Variants in ZBTB20 observed in about 807,000 individuals in gnomAD.
The protein encoded by ZBTB20 is zinc finger and BTB domain-containing protein 20.
Under a neutral mutation model 56.9 loss-of-function variants are expected in ZBTB20, and 9 were observed. That is an observed-to-expected ratio of 0.16 (90% CI 0.10 to 0.28). The LOEUF is 0.28. Ranked by LOEUF, ZBTB20 falls within the 10% of genes least tolerant of loss-of-function variation. The probability of loss-of-function intolerance (pLI) is 1.00; values close to 1 mark genes in which losing one functional copy is unlikely to be tolerated. For missense variants in ZBTB20, 655 were observed against 1,003.0 expected (o/e 0.65, Z 4.69); for synonymous variants, 417 against 420.7 (o/e 0.99, Z 0.11).
intron 7 of ZBTB20, among the ~76,000 whole-genome samples, chr3:114,403,125 A>C (rs754309191): frequency 2.6e-5 from 4 of 152,186 alleles, no homozygotes; most frequent in Non-Finnish European, 2.9e-5. Context: ...GCTTGTAGTT[A>C]ATATTTTTAA....
chr3:114,654,339 A>G (rs1235244354), intron 6 of ZBTB20, among the ~76,000 whole-genome samples: 2 of 151,986 alleles, frequency 1.3e-5, no homozygotes, highest in Non-Finnish European at 2.9e-5. Flanking sequence ...TATACTGCAT[A>G]ACTTAATTTA....
At chr3:114,356,299 C>G (rs1374195255) in intron 10 of ZBTB20, 4 of 152,090 alleles carry the variant, frequency 2.6e-5, no homozygotes, top group African/African-American at 9.7e-5. Context: ...AGGGATAGGA[C>G]TTAGCATGAG....
intron 6 of ZBTB20, among the ~76,000 whole-genome samples, chr3:114,516,936 C>G (rs1369210449): frequency 1.3e-5 from 2 of 152,136 alleles, no homozygotes; most frequent in Non-Finnish European, 2.9e-5. Flanking sequence ...TTAAGCCACT[C>G]AGTTTGTGGT....
At chr3:114,923,521 GC>G (rs2076037759) in intron 3 of ZBTB20, among the ~76,000 whole-genome samples, 1 of 152,094 alleles carries the variant, frequency 6.6e-6, no homozygotes, top group African/African-American at 2.4e-5. Flanking sequence ...ATACTCAAAT[GC>G]AAAAGAATAA....
At chr3:114,630,183 C>T (rs550030773) in intron 6 of ZBTB20, among the ~76,000 whole-genome samples, 2 of 152,064 alleles carry the variant, frequency 1.3e-5, no homozygotes, top group African/African-American at 4.8e-5. Flanking sequence ...TAAGGAACAG[C>T]CATTATTTGC....
chr3:114,809,714 C>G (rs185534941), intron 4 of ZBTB20, among the ~76,000 whole-genome samples: 2 of 152,084 alleles, frequency 1.3e-5, no homozygotes, highest in African/African-American at 4.8e-5. Flanking sequence ...CAGACACTTT[C>G]TTTTAACCAC....
intron 4 of ZBTB20, among the ~76,000 whole-genome samples, chr3:114,835,882 C>T (rs2074097732): frequency 6.6e-6 from 1 of 152,228 alleles, no homozygotes; most frequent in Non-Finnish European, 1.5e-5. Context: ...GTATTAATAG[C>T]ATTTCCCCTG....
intron 6 of ZBTB20, among the ~76,000 whole-genome samples, chr3:114,528,044 C>CATGGACA (rs2047433959): frequency 6.7e-6 from 1 of 149,080 alleles, no homozygotes; most frequent in African/African-American, 2.5e-5. Context: ...GATTTCACTA[C>CATGGACA]ATGGACAATG....
chr3:115,068,440 C>T (rs988655868), intron 2 of ZBTB20, among the ~76,000 whole-genome samples: 1 of 151,936 alleles, frequency 6.6e-6, no homozygotes, highest in Non-Finnish European at 1.5e-5. Flanking sequence ...GAAGAATACA[C>T]ATCTGAGGGC....
chr3:114,934,281 T>C (rs2076457142), intron 3 of ZBTB20, among the ~76,000 whole-genome samples: 1 of 152,180 alleles, frequency 6.6e-6, no homozygotes, highest in Non-Finnish European at 1.5e-5. Context: ...GACCTCCACT[T>C]ACCTGCGACC....
intron 2 of ZBTB20, among the ~76,000 whole-genome samples, chr3:115,009,184 T>C (rs2079596366): frequency 6.6e-6 from 1 of 151,936 alleles, no homozygotes; most frequent in South Asian, 2.1e-4. Context: ...ATGCTATATA[T>C]TTTTGTTCTG....
At chr3:114,589,099 C>A (rs1011675915) in intron 6 of ZBTB20, among the ~76,000 whole-genome samples, 2 of 152,068 alleles carry the variant, frequency 1.3e-5, no homozygotes, top group African/African-American at 4.8e-5. Flanking sequence ...GTCCCTCCCA[C>A]GACACATGAA....
In ZBTB20 at chr3:114,316,205, T is replaced by G. The variant is rs2078678396; in HGVS notation, c.*22800A>C. On this transcript the variant is annotated 3_prime_UTR_variant, in exon 12 of 12. Transcript: ENST00000675478. ...AACTGATGAAATGGTATATAGAACA[T>G]TACTGCATTCGCATCGGATCAAGAT... The G allele has an allele frequency of 3.2e-6, 1 of 308,368 alleles. No individual in the cohort carries two copies. The highest frequency in any genetic ancestry group is 6.1e-6 in the Non-Finnish European group (1 of 163,820). 19.1% of individuals were successfully genotyped at this position (308,368 alleles called of 1,614,324 possible).
At chr3:114,822,140 G>A (rs1024365644) in intron 4 of ZBTB20, among the ~76,000 whole-genome samples, 1 of 152,034 alleles carries the variant, frequency 6.6e-6, no homozygotes, top group East Asian at 1.9e-4. Flanking sequence ...AGAGCATATT[G>A]CACATGCTAA....
intron 3 of ZBTB20, among the ~76,000 whole-genome samples, chr3:114,938,384 T>A (rs541151139): frequency 8.9e-5 from 13 of 146,412 alleles, no homozygotes; most frequent in Non-Finnish European, 1.5e-4. Context: ...TAGGTTTTCT[T>A]CTAGGGTTTT....
intron 7 of ZBTB20, among the ~76,000 whole-genome samples, chr3:114,406,682 ACTCCTT>A (rs916365323): frequency 1.3e-5 from 2 of 152,058 alleles, no homozygotes; most frequent in Non-Finnish European, 2.9e-5. Flanking sequence ...AGGTGTTTGT[ACTCCTT>A]CTAAGGTGTT....
chr3:114,410,699 G>T (rs1472837163), intron 7 of ZBTB20, among the ~76,000 whole-genome samples: 1 of 152,200 alleles, frequency 6.6e-6, no homozygotes, highest in Non-Finnish European at 1.5e-5. Context: ...ATGCTGAAAG[G>T]ATGTCACATC....
At chr3:114,893,494 T>C (rs1398154662) in intron 4 of ZBTB20, among the ~76,000 whole-genome samples, 2 of 152,144 alleles carry the variant, frequency 1.3e-5, no homozygotes, top group Admixed American at 6.5e-5. Context: ...CATTGGTAAG[T>C]TGGAAAACTT....
intron 6 of ZBTB20, among the ~76,000 whole-genome samples, chr3:114,683,514 G>A (rs117966153): frequency 0.037 from 5,602 of 152,132 alleles, 215 homozygotes; most frequent in Admixed American, 0.13. Context: ...TAACTTAGAA[G>A]GTAATCTCAG....
Sources: allele counts gnomAD v4.1 joint callset (sites outside exome capture counted in the v4.1 genomes callset), GRCh38; gene constraint gnomAD v4.1.1; transcripts MANE v1.5; gene names NCBI Gene and HGNC (gene_info 2026-07-23, HGNC 2026-07-21).